USP43: variants seen among roughly 807,000 people sequenced by gnomAD.
USP43 encodes ubiquitin carboxyl-terminal hydrolase 43.
USP43 carries 33 observed loss-of-function variants against 90.7 expected under a neutral mutation model. The observed-to-expected ratio is 0.36, with a 90% CI of 0.28 to 0.49. The LOEUF (loss-of-function observed/expected upper bound fraction) is 0.49, where lower values mean the gene tolerates loss of function less well. Ranked by LOEUF, USP43 falls within the 20% of genes least tolerant of loss-of-function variation. The pLI, the probability that USP43 is intolerant of heterozygous loss-of-function variation, is 0.98. For synonymous variants in USP43, 598 were observed against 615.8 expected (o/e 0.97, Z 0.43); for missense variants, 1,274 against 1,476.4 (o/e 0.86, Z 2.25).
chr17:9,648,574 T>C (rs980859442), intron 1 of USP43, among the ~76,000 whole-genome samples: 15 of 152,034 alleles, frequency 9.9e-5, no homozygotes, highest in Admixed American at 9.8e-4. Context: ...GGAGATCCTG[T>C]GGGGTGGGCA....
chr17:9,661,550 G>T (rs797009626), intron 2 of USP43, among the ~76,000 whole-genome samples: 3 of 152,034 alleles, frequency 2.0e-5, no homozygotes, highest in African/African-American at 7.3e-5. Flanking sequence ...TGGATACAAG[G>T]TCTCACTATG....
intron 1 of USP43, among the ~76,000 whole-genome samples, chr17:9,655,084 G>GAAAAA (rs57985388): frequency 5.4e-5 from 2 of 37,322 alleles, no homozygotes; most frequent in Non-Finnish European, 1.3e-4. Flanking sequence ...AGAAAGAAAG[G>GAAAAA]AAAAAAAAAA....
intron 14 of USP43, among the ~76,000 whole-genome samples, chr17:9,715,899 A>G (rs1916529143): frequency 7.1e-6 from 1 of 140,066 alleles, no homozygotes. Context: ...CTGTGTGTCT[A>G]TGTATATGTA....
chr17:9,682,555 C>G (rs1475190679), intron 6 of USP43, among the ~76,000 whole-genome samples: 1 of 152,190 alleles, frequency 6.6e-6, no homozygotes, highest in Non-Finnish European at 1.5e-5. Context: ...GCCTGGGGGA[C>G]AGAGCGAGAC....
Position 9,728,326 on chromosome 17 carries a change from C to A in USP43, c.2708C>A (p.Pro903His). The change falls in exon 15 of 15, where the codon CCT (proline) becomes CAT (histidine). Residue 903 changes from proline to histidine, a missense_variant. Pro to His is a moderately conservative substitution (Grantham distance 77). Transcript: ENST00000285199. The surrounding 1 kb of genome is among the most constrained non-coding windows in gnomAD (Gnocchi z 6.2). ...PSAQPNHCLA[P>H]GNSDGPNTAR... Reference sequence around the variant, plus strand: ...GCTCAACCCAACCACTGTCTGGCCCCTGGAAACTCAGATGGTCCAAACACA... The same window carrying A: ...GCTCAACCCAACCACTGTCTGGCCCATGGAAACTCAGATGGTCCAAACACA... 6.2e-7 allele frequency: 1 copy of A among 1,612,414 alleles called. No individual in the cohort carries two copies. Among genetic ancestry groups the A allele is most frequent in the Non-Finnish European group, 8.5e-7 (1 of 1,179,264 alleles).
chr17:9,674,842 A>T lies in USP43; in HGVS notation c.741-49A>T. ...AATTCTGTATTGAATTTTACCCCCA[A>T]ATTGTTTACGTGTGATTAAACGTTC... On this transcript the variant is annotated intron_variant, in intron 3 of 14. Coordinates refer to ENST00000285199, the MANE Select transcript of USP43 (RefSeq NM_153210.5). This position sits in a 1 kb window ranked among gnomAD's most constrained non-coding sequence, Gnocchi z 4.4. 6.7e-7 allele frequency: 1 copy of T among 1,500,086 alleles called. No individual in the cohort carries two copies. The highest frequency in any genetic ancestry group is 1.1e-5 in the South Asian group (1 of 88,396). 92.9% of individuals were successfully genotyped at this position (1,500,086 alleles called of 1,614,324 possible). A position where few individuals can be genotyped will look rare whatever the true frequency, so the allele number is the denominator to read the frequency against.
chr17:9,651,658 T>TA (rs149231081), intron 1 of USP43, among the ~76,000 whole-genome samples: 2,963 of 152,294 alleles, frequency 0.019, 97 homozygotes, highest in African/African-American at 0.067. Flanking sequence ...ATGGTTATAT[T>TA]AAAATTTTAG....
In USP43 at chr17:9,724,552, C is replaced by T. The variant is rs541019407; in HGVS notation, c.2336-3402C>T. Among the ~76,000 whole-genome samples, 13 of 152,200 alleles carry T rather than the reference C, an allele frequency of 8.5e-5. No homozygotes were observed. In the East Asian group the frequency reaches 1.2e-3, roughly 14 times the overall value. On this transcript the variant is annotated intron_variant, in intron 14 of 14. Coordinates refer to ENST00000285199, the MANE Select transcript of USP43 (RefSeq NM_153210.5). ...AAAATTAGCCGGGCGTGGTGGTGGA[C>T]GCCTGTAATCCCAGCTACTGGGGAG...
chr17:9,693,085 T>C, intron 8 of USP43, 42 bp from the exon 9 acceptor site: 1 of 1,482,712 alleles, frequency 6.7e-7, no homozygotes, highest in Non-Finnish European at 9.4e-7. Flanking sequence ...TAAATCAATA[T>C]AGGGGCTACG....
intron 14 of USP43, among the ~76,000 whole-genome samples, chr17:9,715,494 G>A (rs552295265): frequency 1.3e-5 from 2 of 152,030 alleles, no homozygotes; most frequent in Admixed American, 1.3e-4. Context: ...TGTAAGAACT[G>A]TATGTCTGTG....
chr17:9,702,460 G>T (rs1915630065), intron 12 of USP43, among the ~76,000 whole-genome samples: 1 of 152,202 alleles, frequency 6.6e-6, no homozygotes, highest in South Asian at 2.1e-4. Flanking sequence ...TCTCATCTGT[G>T]ATTCAGCGTG....
intron 7 of USP43, among the ~76,000 whole-genome samples, chr17:9,684,605 A>C (rs955606424): frequency 1.3e-5 from 2 of 151,502 alleles, no homozygotes; most frequent in African/African-American, 4.9e-5. Flanking sequence ...CCCTACTAAA[A>C]ATACAAAAGT....
chr17:9,672,533 G>A (rs1271586234), intron 3 of USP43, among the ~76,000 whole-genome samples: 1 of 152,126 alleles, frequency 6.6e-6, no homozygotes. Context: ...TTGTGAAATG[G>A]GAATTTGGGA....
At chr17:9,645,415 G>T, upstream of USP43, 1 of 297,306 alleles carries the variant, frequency 3.4e-6, no homozygotes, top group Non-Finnish European at 5.9e-6. This position sits in a 1 kb window ranked among gnomAD's most constrained non-coding sequence, Gnocchi z 6.8. Flanking sequence ...GGCAGGGGTA[G>T]GGGTGGCCCG....
In USP43 at chr17:9,679,589, G is replaced by A. The variant is rs539060373; in HGVS notation, c.970-642G>A. Among the ~76,000 whole-genome samples the A allele has an allele frequency of 1.5e-3, 206 of 140,940 alleles. 1 individual carries two copies. The highest frequency in any genetic ancestry group is 2.5e-3 in the Non-Finnish European group (168 of 66,550). The allele number at this position is 140,940 out of a possible 152,430, so 92.5% of individuals were successfully genotyped here. A position where few individuals can be genotyped will look rare whatever the true frequency, so the allele number is the denominator to read the frequency against. The stretch of plus-strand genomic sequence containing the variant: ...CGCCCAGGCTGGAGTGCAGTGGCAC[G>A]ATCTCGGCTCACTGCAAGCTCCGCC... On this transcript the variant is annotated intron_variant, in intron 5 of 14. Transcript: ENST00000285199.
intron 1 of USP43, 152 bp from the exon 2 acceptor site, chr17:9,656,251 C>A: frequency 1.8e-6 from 1 of 568,812 alleles, no homozygotes; most frequent in Non-Finnish European, 2.2e-6. Context: ...CGGGCTTTGG[C>A]GTGAAAGAAC....
chr17:9,696,051 C>G (rs975261795), intron 9 of USP43, among the ~76,000 whole-genome samples: 3 of 151,914 alleles, frequency 2.0e-5, no homozygotes, highest in Admixed American at 2.0e-4. Context: ...TCTTCCTCTC[C>G]CTCTCTGGGA....
Position 9,656,471 on chromosome 17 carries a change from C to T in USP43, c.573C>T (p.Leu191=), listed in dbSNP as rs566146087. The change falls in exon 2 of 15, where the codon CTC becomes CTT. Residue 191 remains leucine, a synonymous_variant. Coordinates refer to ENST00000285199, the MANE Select transcript of USP43 (RefSeq NM_153210.5). ...NSQHDALEFL[L]WLLDRVHEDL... ...AGCACGACGCCCTGGAATTCCTGCT[C>T]TGGTTGCTGGATCGTGTACATGAGG... The T allele has an allele frequency of 5.6e-6, 9 of 1,610,424 alleles. No individual in the cohort carries two copies. In the Admixed American group the frequency reaches 8.4e-5, roughly 15 times the overall value.
chr17:9,692,300 A>C (rs1298042372), intron 8 of USP43, among the ~76,000 whole-genome samples: 1 of 152,032 alleles, frequency 6.6e-6, no homozygotes, highest in Non-Finnish European at 1.5e-5. Context: ...CAGAGGTTGT[A>C]GTGAGCTGAG....
Sources: gnomAD v4.1 joint callset for allele counts (sites outside exome capture counted in the v4.1 genomes callset) on GRCh38, gnomAD v4.1.1 for gene constraint, Gnocchi (gnomAD v3.1) non-coding constraint, MANE v1.5 for transcripts, NCBI Gene and HGNC (gene_info 2026-07-23, HGNC 2026-07-21) for gene names.